FAHD2A: variants seen among roughly 807,000 people sequenced by gnomAD.
FAHD2A encodes the protein fumarylacetoacetate hydrolase domain containing 2A, also known as oxaloacetate tautomerase FAHD2A, mitochondrial.
In FAHD2A, 27 loss-of-function variants were observed where a neutral mutation model predicts 33.4. The observed-to-expected ratio is 0.81, with a 90% CI of 0.60 to 1.11. The LOEUF (loss-of-function observed/expected upper bound fraction) is 1.11, where lower values mean the gene tolerates loss of function less well. Ranked by LOEUF, FAHD2A falls within the 50% of genes most tolerant of loss-of-function variation. The probability of loss-of-function intolerance (pLI) is 0.00; values close to 1 mark genes in which losing one functional copy is unlikely to be tolerated. For synonymous variants in FAHD2A, 130 were observed against 153.3 expected (o/e 0.85, Z 1.12); for missense variants, 296 against 395.0 (o/e 0.75, Z 2.12).
chr2:95,416,895 C>T (rs1267865199), downstream of FAHD2A, among the ~76,000 whole-genome samples: 1 of 152,210 alleles, frequency 6.6e-6, no homozygotes, highest in Non-Finnish European at 1.5e-5. Context: ...ACCTCTAGAC[C>T]CTAAGGATCC....
At chr2:95,420,840 A>C (rs1683304174), downstream of FAHD2A, among the ~76,000 whole-genome samples, 1 of 152,068 alleles carries the variant, frequency 6.6e-6, no homozygotes. Context: ...AAAGTAAAAG[A>C]AGCCTTGTTA....
chr2:95,406,843 A>G lies in FAHD2A; in HGVS notation c.246-98A>G, dbSNP rs555863138. On this transcript the variant is annotated intron_variant, in intron 2 of 7. Transcript: ENST00000233379. ...TGATAGAGCTAGGAAATAGATTTCA[A>G]AAAGCAAAACCTGTAGCTGCTGCAG... is the stretch of plus-strand genomic sequence containing the variant. The G allele has an allele frequency of 5.3e-5, 78 of 1,468,872 alleles. No individual in the cohort carries two copies. In the Middle Eastern group the frequency reaches 6.3e-4, roughly 12 times the overall value. 91.0% of individuals were successfully genotyped at this position (1,468,872 alleles called of 1,614,324 possible).
chr2:95,411,105 T>A, intron 5 of FAHD2A, 79 bp downstream of exon 5: 1 of 1,572,654 alleles, frequency 6.4e-7, no homozygotes, highest in South Asian at 1.2e-5. Context: ...TGGGTTCAGG[T>A]ACATGTGGCA....
chr2:95,414,544 A>G lies in FAHD2A; in HGVS notation c.*1587A>G. On this transcript the variant is annotated 3_prime_UTR_variant, in exon 8 of 8. Transcript: ENST00000233379. ...TGTGCCCCCATCCTGGTCCTGCCTCACTGGACAGCCTCTCCGCGGCCTTCC... is the reference window on the plus strand; with the variant it reads ...TGTGCCCCCATCCTGGTCCTGCCTCGCTGGACAGCCTCTCCGCGGCCTTCC... 1 of 317,966 alleles carries G rather than the reference A, an allele frequency of 3.1e-6. No individual in the cohort carries two copies. Among genetic ancestry groups the G allele is most frequent in the Non-Finnish European group, 6.0e-6 (1 of 167,322 alleles). The allele number at this position is 317,966 out of a possible 1,614,324, so 19.7% of individuals were successfully genotyped here. A position where few individuals can be genotyped will look rare whatever the true frequency, so the allele number is the denominator to read the frequency against.
chr2:95,408,674 C>A (rs138294408), intron 3 of FAHD2A, among the ~76,000 whole-genome samples: 61 of 152,184 alleles, frequency 4.0e-4, no homozygotes, highest in Non-Finnish European at 8.1e-4. Context: ...CCCCATGATT[C>A]AGTCATCTCC....
chr2:95,418,250 T>TTGTG (rs143871334), downstream of FAHD2A, among the ~76,000 whole-genome samples: 15 of 148,202 alleles, frequency 1.0e-4, no homozygotes, highest in East Asian at 5.9e-4. Flanking sequence ...TTGGGGGTGG[T>TTGTG]TGTGTGTGTG....
In FAHD2A at chr2:95,414,215, T is replaced by G; in HGVS notation, c.*1258T>G. 1.9e-6 allele frequency: 3 copies of G among 1,595,784 alleles called. No homozygotes were observed. In the Admixed American group the frequency reaches 5.2e-5, roughly 28 times the overall value. On this transcript the variant is annotated 3_prime_UTR_variant, in exon 8 of 8. Transcript: ENST00000233379. Reference sequence around the variant, plus strand: ...GCAGCCACCAGCAAACACCACTGCCTGCAGGAGCCTGGGCTGACTGGTTGG... The same window carrying G: ...GCAGCCACCAGCAAACACCACTGCCGGCAGGAGCCTGGGCTGACTGGTTGG...
At chr2:95,403,762 G>T (rs1216585502) in intron 1 of FAHD2A, among the ~76,000 whole-genome samples, 1 of 152,162 alleles carries the variant, frequency 6.6e-6, no homozygotes, top group Non-Finnish European at 1.5e-5. Context: ...ACCTCTTTAA[G>T]CCTTAATTGT....
chr2:95,419,465 T>C (rs1248749937), downstream of FAHD2A, among the ~76,000 whole-genome samples: 4 of 151,948 alleles, frequency 2.6e-5, no homozygotes, highest in Admixed American at 2.0e-4. Flanking sequence ...AGTGGCATAA[T>C]TGGCCTAAAA....
At chr2:95,418,060 C>G (rs1683257905), downstream of FAHD2A, among the ~76,000 whole-genome samples, 1 of 151,858 alleles carries the variant, frequency 6.6e-6, no homozygotes, top group South Asian at 2.1e-4. Context: ...TAGGGTGAAT[C>G]TAAAGATTGG....
chr2:95,413,740 T>C lies in FAHD2A; in HGVS notation c.*783T>C. Reference sequence around the variant, plus strand: ...AGCCCCAATACCCCACCTAGAAGGATGAGCCAGTGATTTGGGAGACCAAGA... The same window carrying C: ...AGCCCCAATACCCCACCTAGAAGGACGAGCCAGTGATTTGGGAGACCAAGA... On this transcript the variant is annotated 3_prime_UTR_variant, in exon 8 of 8. Transcript: ENST00000233379. 2.7e-6 allele frequency: 2 copies of C among 744,028 alleles called. No individual in the cohort carries two copies. The highest frequency in any genetic ancestry group is 2.2e-6 in the Non-Finnish European group (1 of 455,868). The allele number at this position is 744,028 out of a possible 1,614,324, so 46.1% of individuals were successfully genotyped here. A position where few individuals can be genotyped will look rare whatever the true frequency, so the allele number is the denominator to read the frequency against.
At position 95,413,596 on chromosome 2, in the gene FAHD2A, C is replaced by A; in HGVS notation, c.*639C>A. On this transcript the variant is annotated 3_prime_UTR_variant, in exon 8 of 8. Transcript: ENST00000233379. The stretch of plus-strand genomic sequence containing the variant: ...GGCCATGGAAGATGGGCCGTGAGTG[C>A]ACTCACCACAGGGACTGTGTCCACA... The A allele has an allele frequency of 6.5e-7, 1 of 1,528,990 alleles. No homozygotes were observed. Among genetic ancestry groups the A allele is most frequent in the Non-Finnish European group, 8.8e-7 (1 of 1,139,062 alleles). 94.7% of individuals were successfully genotyped at this position (1,528,990 alleles called of 1,614,324 possible).
chr2:95,407,256 C>T (rs1402316456), intron 3 of FAHD2A, 99 bp downstream of exon 3: 271 of 1,526,470 alleles, frequency 1.8e-4, no homozygotes, highest in Admixed American at 5.3e-4. Context: ...CGCTCAATAG[C>T]GCATTCAGCA....
In FAHD2A at chr2:95,405,699, G is replaced by A. The variant is rs1681414393; in HGVS notation, c.141G>A (p.Gly47=). ...GGCCTCACTTGGGCCTGGAGACAGG[G>A]AATGGTGGAGGGGTTATCAACCTCA... The part of the protein sequence containing the change: ...LVGPHLGLET[G]NGGGVINLNA... Residue 47 remains glycine, a synonymous_variant, in exon 2 of 8, where the codon GGG becomes GGA. Transcript: ENST00000233379. The A allele has an allele frequency of 1.2e-6, 2 of 1,614,130 alleles. No homozygotes were observed. Among genetic ancestry groups the A allele is most frequent in the East Asian group, 2.2e-5 (1 of 44,866 alleles).
At chr2:95,407,348 A>G (rs1681762991) in intron 3 of FAHD2A, 191 bp downstream of exon 3, 2 of 760,110 alleles carry the variant, frequency 2.6e-6, no homozygotes, top group Non-Finnish European at 4.2e-6. Context: ...CTGGTTACAA[A>G]AGCAATGCAC....
intron 3 of FAHD2A, 115 bp from the exon 4 acceptor site, chr2:95,410,412 G>A (rs1223131609): frequency 3.0e-6 from 4 of 1,353,794 alleles, no homozygotes; most frequent in Non-Finnish European, 4.1e-6. Flanking sequence ...AACATGGGAT[G>A]GCAGCGAAGC....
downstream of FAHD2A, among the ~76,000 whole-genome samples, chr2:95,417,805 C>T (rs1683250547): frequency 6.6e-6 from 1 of 151,980 alleles, no homozygotes; most frequent in Non-Finnish European, 1.5e-5. Flanking sequence ...CATATTTTAT[C>T]TTATAAGGGC....
In FAHD2A at chr2:95,414,124, C is replaced by G; in HGVS notation, c.*1167C>G. 6.7e-7 allele frequency: 1 copy of G among 1,494,620 alleles called. No individual in the cohort carries two copies. The highest frequency in any genetic ancestry group is 2.3e-5 in the East Asian group (1 of 44,068). 92.6% of individuals were successfully genotyped at this position (1,494,620 alleles called of 1,614,324 possible). ...AGCCCAGGGAGGGATAGATCTCCGA[C>G]TGGACAGAAGACTACTCTGCAGCCC... On this transcript the variant is annotated 3_prime_UTR_variant, in exon 8 of 8. Transcript: ENST00000233379.
Position 95,413,663 on chromosome 2 carries a change from G to C in FAHD2A, c.*706G>C. ...CCTGTCCCCCAGAAACCTGCCTTGA[G>C]ACCTCTGACCCCTTAGGCCTCAGTG... On this transcript the variant is annotated 3_prime_UTR_variant, in exon 8 of 8. Transcript: ENST00000233379. The C allele has an allele frequency of 7.7e-7, 1 of 1,295,640 alleles. No individual in the cohort carries two copies. The highest frequency in any genetic ancestry group is 1.0e-6 in the Non-Finnish European group (1 of 960,924). 80.3% of individuals were successfully genotyped at this position (1,295,640 alleles called of 1,614,324 possible). A position where few individuals can be genotyped will look rare whatever the true frequency, so the allele number is the denominator to read the frequency against.
Sources: gnomAD v4.1 joint callset for allele counts (sites outside exome capture counted in the v4.1 genomes callset) on GRCh38, gnomAD v4.1.1 for gene constraint, MANE v1.5 for transcripts, NCBI Gene and HGNC (gene_info 2026-07-23, HGNC 2026-07-21) for gene names.